PAQR5: variants seen among roughly 807,000 people sequenced by gnomAD.
The protein encoded by PAQR5 is progestin and adipoQ receptor family member 5.
In PAQR5, 20 loss-of-function variants were observed where a neutral mutation model predicts 34.5. The ratio of observed to expected loss-of-function variants is 0.58; its 90% CI spans 0.41 to 0.84. The LOEUF (loss-of-function observed/expected upper bound fraction) is 0.84, where lower values mean the gene tolerates loss of function less well. Among genes scored for constraint, PAQR5 ranks in the 40% least tolerant of loss-of-function variants. The pLI is 0.00. For synonymous variants in PAQR5, 131 were observed against 155.6 expected, an observed-to-expected ratio of 0.84 and a Z score of 1.18; for missense variants, 378 against 412.7, an observed-to-expected ratio of 0.92 and a Z score of 0.73.
At chr15:69,360,283 G>A (rs1263073067) in intron 3 of PAQR5, 152 bp downstream of exon 3, 2 of 539,962 alleles carry the variant, frequency 3.7e-6, no homozygotes, top group African/African-American at 1.9e-5. Flanking sequence ...GGATATTACA[G>A]CCTCCTACTT....
At chr15:69,355,710 T>G (rs1391913507) in intron 2 of PAQR5, among the ~76,000 whole-genome samples, 1 of 152,126 alleles carries the variant, frequency 6.6e-6, no homozygotes, top group Non-Finnish European at 1.5e-5. Context: ...TGTAAGGCAT[T>G]GTGCCCGGCC....
At chr15:69,375,710 C>G (rs1335434144) in intron 3 of PAQR5, among the ~76,000 whole-genome samples, 1 of 152,104 alleles carries the variant, frequency 6.6e-6, no homozygotes, top group Non-Finnish European at 1.5e-5. Flanking sequence ...CTCTCCAGGC[C>G]TCAGTTTCCT....
At chr15:69,401,436 T>C (rs2056623198) in intron 8 of PAQR5, among the ~76,000 whole-genome samples, 1 of 152,170 alleles carries the variant, frequency 6.6e-6, no homozygotes, top group African/African-American at 2.4e-5. Context: ...AGAGAACAGA[T>C]TTCCAAAAAG....
chr15:69,310,842 T>A (rs1566991509), intron 1 of PAQR5, among the ~76,000 whole-genome samples: 1 of 151,652 alleles, frequency 6.6e-6, no homozygotes, highest in Non-Finnish European at 1.5e-5. Flanking sequence ...ATCAAGACCA[T>A]CCTGGCTAAC....
chr15:69,315,875 G>T (rs541286846), intron 1 of PAQR5, among the ~76,000 whole-genome samples: 2 of 152,166 alleles, frequency 1.3e-5, no homozygotes, highest in East Asian at 3.9e-4. Flanking sequence ...TCATGCACTT[G>T]CCAGTCTCAT....
At chr15:69,402,479 G>A (rs941016598) in intron 8 of PAQR5, among the ~76,000 whole-genome samples, 10 of 151,926 alleles carry the variant, frequency 6.6e-5, no homozygotes, top group Non-Finnish European at 1.2e-4. Flanking sequence ...CACCATGCCC[G>A]GCTAATTTTT....
At chr15:69,380,794 G>A (rs1451390574) in intron 4 of PAQR5, among the ~76,000 whole-genome samples, 1 of 152,230 alleles carries the variant, frequency 6.6e-6, no homozygotes, top group Non-Finnish European at 1.5e-5. Flanking sequence ...ACCACTGGTC[G>A]ATGTAGACAC....
At chr15:69,384,450 C>T (rs367949926) in intron 4 of PAQR5, among the ~76,000 whole-genome samples, 10 of 23,690 alleles carry the variant, frequency 4.2e-4, no homozygotes, top group East Asian at 1.1e-3. Context: ...GCGGGCCCTC[C>T]GTGTTCATGG....
chr15:69,400,805 C>T (rs1279283575), intron 8 of PAQR5, among the ~76,000 whole-genome samples: 1 of 152,122 alleles, frequency 6.6e-6, no homozygotes, highest in South Asian at 2.1e-4. Flanking sequence ...CTTTCTTTGT[C>T]TTGAGCATGG....
At chr15:69,331,840 C>T (rs986949180) in intron 1 of PAQR5, among the ~76,000 whole-genome samples, 1 of 152,134 alleles carries the variant, frequency 6.6e-6, no homozygotes, top group Non-Finnish European at 1.5e-5. Flanking sequence ...AATTTGGTTC[C>T]CCATGCAACC....
intron 6 of PAQR5, among the ~76,000 whole-genome samples, chr15:69,396,421 G>C (rs2056435593): frequency 6.6e-6 from 1 of 152,058 alleles, no homozygotes; most frequent in Non-Finnish European, 1.5e-5. Context: ...CCAGATGCAT[G>C]CATTGCCTTT....
Position 69,403,891 on chromosome 15 carries a change from AG to A in PAQR5, c.*71del. 6.5e-7 allele frequency: 1 copy of A among 1,539,888 alleles called. No homozygotes were observed. Among genetic ancestry groups the A allele is most frequent in the Non-Finnish European group, 8.8e-7 (1 of 1,133,644 alleles). Reference sequence around the variant, plus strand: ...CAACATCCTAACCACCATAAGCCGGAGGTGGTTACAGCTTATCATGGCCTAA... The same window carrying A: ...CAACATCCTAACCACCATAAGCCGGAGTGGTTACAGCTTATCATGGCCTAA... On this transcript the variant is annotated 3_prime_UTR_variant, in exon 9 of 9. Coordinates refer to ENST00000395407, the MANE Select transcript of PAQR5 (RefSeq NM_017705.4).
rs141035287 is a variant in PAQR5 at position 69,328,494 on chromosome 15, G to A, written c.-276-8847G>A. ...AGCAGGAGAGGAGTCGCTGGAGCCC[G>A]TGTCCCTCCTGGAGGAGGCTGACTG... On this transcript the variant is annotated intron_variant, in intron 1 of 8. Transcript: ENST00000395407. Among the ~76,000 whole-genome samples, 421 of 152,316 alleles carry A rather than the reference G, an allele frequency of 2.8e-3. 3 individuals are homozygous for A. Among genetic ancestry groups the A allele is most frequent in the African/African-American group, 9.7e-3 (402 of 41,568 alleles).
rs574588078 is a variant in PAQR5, at chr15:69,324,759, T to C, written c.-276-12582T>C. Reference sequence around the variant, plus strand: ...CCTGCCACTCCATACCCTGCGTACTTCCGTGCTGAACTACAGATAGGTCCT... The same window carrying C: ...CCTGCCACTCCATACCCTGCGTACTCCCGTGCTGAACTACAGATAGGTCCT... On this transcript the variant is annotated intron_variant, in intron 1 of 8. Transcript: ENST00000395407. Among the ~76,000 whole-genome samples the C allele has an allele frequency of 1.2e-4, 18 of 152,272 alleles. No homozygotes were observed. The South Asian group carries it at 3.3e-3, about 28-fold the overall frequency.
At position 69,322,771 on chromosome 15, in the gene PAQR5, A is replaced by G. The variant is rs369133570; in HGVS notation, c.-276-14570A>G. ...GAAGAAGAAGAAGAAGAAGAAGAAG[A>G]GGGAGAAGAAGAAGACGAGGAAGAA... On this transcript the variant is annotated intron_variant, in intron 1 of 8. Coordinates refer to ENST00000395407, the MANE Select transcript of PAQR5 (RefSeq NM_017705.4). 9.1e-4 allele frequency among the ~76,000 whole-genome samples: 16 copies of G among 17,526 alleles called. 3 individuals are homozygous for G. Among genetic ancestry groups the G allele is most frequent in the African/African-American group, 1.8e-3 (14 of 7,936 alleles). The allele number at this position is 17,526 out of a possible 152,430, so 11.5% of individuals were successfully genotyped here.
chr15:69,388,793 T>G (rs2056179496), intron 5 of PAQR5, among the ~76,000 whole-genome samples: 1 of 152,234 alleles, frequency 6.6e-6, no homozygotes, highest in African/African-American at 2.4e-5. Context: ...TGTTCAGCCC[T>G]GAGCTAGGAC....
At position 69,406,169 on chromosome 15, in the gene PAQR5, T is replaced by C. The variant is rs535467599; in HGVS notation, c.*2347T>C. The C allele has an allele frequency of 6.6e-6, 1 of 152,274 alleles. No individual in the cohort carries two copies. Among genetic ancestry groups the C allele is most frequent in the South Asian group, 2.1e-4 (1 of 4,818 alleles). 9.4% of individuals were successfully genotyped at this position (152,274 alleles called of 1,614,324 possible). On this transcript the variant is annotated 3_prime_UTR_variant, in exon 9 of 9. Transcript: ENST00000395407. ...AAGACATGTGACACATTCCCATTGG[T>C]AACAATTGCTCACCATGGCATTGTC...
chr15:69,353,719 A>G (rs751184405), intron 2 of PAQR5, among the ~76,000 whole-genome samples: 28 of 152,216 alleles, frequency 1.8e-4, no homozygotes, highest in Admixed American at 6.5e-5. Context: ...GGTGGGGGGC[A>G]CCACTCACCC....
At chr15:69,329,159 G>A (rs1164427746) in intron 1 of PAQR5, among the ~76,000 whole-genome samples, 2 of 152,336 alleles carry the variant, frequency 1.3e-5, no homozygotes, top group East Asian at 3.9e-4. Flanking sequence ...AGATGCCACT[G>A]AAACTGTTGA....
Sources: gnomAD v4.1 joint callset for allele counts (sites outside exome capture counted in the v4.1 genomes callset) on GRCh38, gnomAD v4.1.1 for gene constraint, MANE v1.5 for transcripts, NCBI Gene and HGNC (gene_info 2026-07-23, HGNC 2026-07-21) for gene names.